The following UBR1 variants were observed in gnomAD, a reference collection of about 807,000 sequenced individuals.
UBR1 encodes the protein ubiquitin protein ligase E3 component n-recognin 1.
Under a neutral mutation model 242.1 loss-of-function variants are expected in UBR1, and 102 were observed. The ratio of observed to expected loss-of-function variants is 0.42; its 90% confidence interval spans 0.36 to 0.50. The LOEUF (loss-of-function observed/expected upper bound fraction) is 0.50. UBR1 is among the 20% of genes least tolerant of loss of function. The pLI, the probability that UBR1 is intolerant of heterozygous loss-of-function variation, is 0.01. For synonymous variants in UBR1, 675 were observed against 684.8 expected, an observed-to-expected ratio of 0.99 and a Z score of 0.22; for missense variants, 1,772 against 2,101.8, an observed-to-expected ratio of 0.84 and a Z score of 3.07.
chr15:42,948,249 C>T (rs1442305804), intron 46 of UBR1, among the ~76,000 whole-genome samples: 7 of 151,952 alleles, frequency 4.6e-5, no homozygotes, highest in East Asian at 1.9e-4. Context: ...TGAAACTGGA[C>T]CCCTTCCTTA....
intron 4 of UBR1, 94 bp downstream of exon 4, chr15:43,074,885 G>T: frequency 9.5e-7 from 1 of 1,054,524 alleles, no homozygotes; most frequent in Non-Finnish European, 1.5e-6. Flanking sequence ...AAACAGCAGG[G>T]TTCTAACTGG....
At chr15:43,068,106 A>T in intron 5 of UBR1, 70 bp from the exon 6 acceptor site, 1 of 1,128,682 alleles carries the variant, frequency 8.9e-7, no homozygotes, top group South Asian at 1.5e-5. Flanking sequence ...AAAAAAAAAA[A>T]AGACAAAATT....
intron 35 of UBR1, 141 bp from the exon 36 acceptor site, chr15:42,985,083 T>C: frequency 1.4e-6 from 1 of 707,252 alleles, no homozygotes; most frequent in Non-Finnish European, 2.2e-6. Context: ...GTGTTTTAAG[T>C]CTATGCCAAA....
rs111720761 is a variant in UBR1, at chr15:43,018,056, G to A, written c.2941-875C>T. Among the ~76,000 whole-genome samples the A allele has an allele frequency of 5.7e-3, 861 of 150,124 alleles. 13 individuals carry two copies. The highest frequency in any genetic ancestry group is 0.02 in the African/African-American group (828 of 40,900). On this transcript the variant is annotated intron_variant, in intron 27 of 46. Transcript: ENST00000290650. ...CTTGCTCTGTCGCCCAGGCTTGAGC[G>A]CAGTGGTGCAATCTTGGCTCACTGC...
chr15:42,979,153 A>T (rs544825528), intron 37 of UBR1, among the ~76,000 whole-genome samples: 1 of 151,500 alleles, frequency 6.6e-6, no homozygotes, highest in African/African-American at 2.4e-5. Context: ...TTGGCCTCCC[A>T]AAATGCTGGG....
At chr15:43,000,406 TTC>T (rs1596093200) in intron 32 of UBR1, among the ~76,000 whole-genome samples, 4 of 152,234 alleles carry the variant, frequency 2.6e-5, no homozygotes, top group Admixed American at 6.5e-5. Context: ...TAGCTAAATA[TTC>T]TGTTAGAGAA....
At chr15:42,962,045 C>T (rs115723709) in intron 42 of UBR1, among the ~76,000 whole-genome samples, 1,957 of 151,998 alleles carry the variant, frequency 0.013, 43 homozygotes, top group African/African-American at 0.043. Context: ...CCGCACCCAA[C>T]CTTATATTTA....
chr15:43,026,535 T>A (rs770337893), intron 23 of UBR1, 26 bp downstream of exon 23: 7 of 1,594,826 alleles, frequency 4.4e-6, no homozygotes, highest in African/African-American at 1.3e-5. Flanking sequence ...TTAGGTTTAT[T>A]TACTGAAAAG....
chr15:43,075,111 T>A (rs1345707120), intron 3 of UBR1, 22 bp from the exon 4 acceptor site: 1 of 1,562,236 alleles, frequency 6.4e-7, no homozygotes, highest in South Asian at 1.1e-5. Context: ...AAAATGAGTT[T>A]GTCTTGATTT....
chr15:42,970,549 G>C lies in UBR1; in HGVS notation c.4428C>G (p.Phe1476Leu). The change falls in exon 40 of 47, where the codon TTC becomes TTG. Residue 1476 changes from phenylalanine (F) to leucine (L), a missense_variant. Around this residue, in one of 3 missense-constraint regions of UBR1, gnomAD observed 965 missense variants for 1,079.7 expected, o/e 0.89. Transcript: ENST00000290650. Reference protein sequence around the residue: ...DSEEAHSASSFFAEISQYTSG... With the variant: ...DSEEAHSASSLFAEISQYTSG... ...TTGTATATTGAGAAATTTCTGCAAA[G>C]AAAGAAGATGCGGAATGAGCCTCTT... 2 of 1,613,730 alleles carry C rather than the reference G, an allele frequency of 1.2e-6. No individual in the cohort carries two copies. The highest frequency in any genetic ancestry group is 1.7e-6 in the Non-Finnish European group (2 of 1,179,978).
chr15:43,040,737 C>A (rs527628414), intron 15 of UBR1, among the ~76,000 whole-genome samples: 1 of 152,146 alleles, frequency 6.6e-6, no homozygotes, highest in African/African-American at 2.4e-5. Context: ...AGGACTCAAA[C>A]AAATTTACAA....
At chr15:43,092,025 A>G (rs1306906727) in intron 1 of UBR1, 1 of 453,810 alleles carries the variant, frequency 2.2e-6, no homozygotes, top group Admixed American at 2.4e-5. Flanking sequence ...GGGAGAGGTC[A>G]GTGAGCGGAG....
At chr15:42,989,256 T>G (rs561609015) in intron 34 of UBR1, among the ~76,000 whole-genome samples, 1 of 152,096 alleles carries the variant, frequency 6.6e-6, no homozygotes, top group Non-Finnish European at 1.5e-5. Context: ...CTAGAAGGGG[T>G]TCAGGTTCTA....
Position 43,076,475 on chromosome 15 carries a change from C to T in UBR1, c.418-1386G>A, listed in dbSNP as rs529277739. ...GGAAGCGAGGAGCGCCTCTTCCCCG[C>T]CGCCATCCCATCTGGGAAGTGAGGA... On this transcript the variant is annotated intron_variant, in intron 3 of 46. Coordinates refer to ENST00000290650, the MANE Select transcript of UBR1 (RefSeq NM_174916.3). Among the ~76,000 whole-genome samples, 65 of 151,802 alleles carry T rather than the reference C, an allele frequency of 4.3e-4. 1 individual carries two copies. Among genetic ancestry groups the T allele is most frequent in the African/African-American group, 1.4e-3 (57 of 41,440 alleles).
intron 30 of UBR1, among the ~76,000 whole-genome samples, chr15:43,006,596 A>G (rs1309328783): frequency 6.6e-6 from 1 of 152,240 alleles, no homozygotes; most frequent in Non-Finnish European, 1.5e-5. Context: ...TAAAATAATA[A>G]TGATGCTAAA....
At chr15:42,997,532 T>A (rs556210813) in intron 33 of UBR1, among the ~76,000 whole-genome samples, 119 of 152,320 alleles carry the variant, frequency 7.8e-4, no homozygotes, top group African/African-American at 2.7e-3. Context: ...CACTGTATTT[T>A]AAAAATTCCC....
chr15:43,015,117 C>T (rs1044285655), intron 29 of UBR1, among the ~76,000 whole-genome samples: 4 of 152,124 alleles, frequency 2.6e-5, no homozygotes, highest in South Asian at 2.1e-4. Context: ...CCCCTCTGCC[C>T]GGCCACCACC....
At chr15:43,050,468 A>G (rs2033541001) in intron 12 of UBR1, among the ~76,000 whole-genome samples, 1 of 152,146 alleles carries the variant, frequency 6.6e-6, no homozygotes, top group African/African-American at 2.4e-5. Flanking sequence ...CCAGCACTTT[A>G]AGAGGCCGAG....
chr15:42,981,839 A>AT (rs1458401841), intron 37 of UBR1, among the ~76,000 whole-genome samples: 1 of 152,186 alleles, frequency 6.6e-6, no homozygotes, highest in Non-Finnish European at 1.5e-5. Flanking sequence ...GCTTAATTCA[A>AT]TCATAAGCAT....
Sources: allele counts gnomAD v4.1 joint callset (sites outside exome capture counted in the v4.1 genomes callset), GRCh38; gene constraint gnomAD v4.1.1; regional missense constraint gnomAD v4.1.1; transcripts MANE v1.5; gene names NCBI Gene and HGNC (gene_info 2026-07-23, HGNC 2026-07-21).